MYOF: variants seen among roughly 807,000 people sequenced by gnomAD.
MYOF encodes the protein fer-1-like 3, myoferlin.
A neutral mutation model predicts 284.2 loss-of-function variants in MYOF; 244 were observed. The observed-to-expected ratio is 0.86, with a 90% CI of 0.77 to 0.95. The LOEUF is 0.95. MYOF is among the 40% of genes least tolerant of loss of function. The pLI is 0.00. For missense variants in MYOF, 2,496 were observed against 2,560.6 expected (o/e 0.97, Z 0.54); for synonymous variants, 904 against 919.7 (o/e 0.98, Z 0.31).
intron 21 of MYOF, among the ~76,000 whole-genome samples, 179 bp downstream of exon 21, chr10:93,379,684 T>C (rs1564665559): frequency 6.6e-6 from 1 of 152,152 alleles, no homozygotes; most frequent in Non-Finnish European, 1.5e-5. Flanking sequence ...GGGTCTCCAA[T>C]ACCACTGAAC....
Position 93,340,146 on chromosome 10 carries a change from T to C in MYOF, c.4338+7A>G, listed in dbSNP as rs971870262. 6.2e-7 allele frequency: 1 copy of C among 1,613,808 alleles called. No homozygotes were observed. The highest frequency in any genetic ancestry group is 8.5e-7 in the Non-Finnish European group (1 of 1,179,834). ...CTTAAATGTAGCAAAATGTATACCA[T>C]AGTTACCTTTTCTGTCAGCTGCTCG... is the stretch of plus-strand genomic sequence containing the variant. On this transcript the variant is annotated splice_region_variant and intron_variant, in intron 39 of 53. Transcript: ENST00000359263.
At chr10:93,375,776 A>G (rs1845809756) in intron 22 of MYOF, among the ~76,000 whole-genome samples, 1 of 152,192 alleles carries the variant, frequency 6.6e-6, no homozygotes. Context: ...CTCCAGAAAG[A>G]TTTATGAACC....
At chr10:93,376,275 T>C (rs787650) in intron 22 of MYOF, among the ~76,000 whole-genome samples, 68,607 of 151,992 alleles carry the variant, frequency 0.45, 16,198 homozygotes, top group Middle Eastern at 0.54. Context: ...GAGTGAGACT[T>C]TGAGGCAAAA....
At chr10:93,334,405 T>C (rs2133820182) in intron 41 of MYOF, among the ~76,000 whole-genome samples, 1 of 152,252 alleles carries the variant, frequency 6.6e-6, no homozygotes, top group Middle Eastern at 3.4e-3. Context: ...GCTTGGTATG[T>C]CCTCTGGGTG....
Position 93,392,973 on chromosome 10 carries a change from G to T in MYOF, c.1418-18C>A. 1 of 1,603,602 alleles carries T rather than the reference G, an allele frequency of 6.2e-7. No homozygotes were observed. Among genetic ancestry groups the T allele is most frequent in the South Asian group, 1.1e-5 (1 of 90,710 alleles). On this transcript the variant is annotated intron_variant, in intron 16 of 53. Coordinates refer to ENST00000359263, the MANE Select transcript of MYOF (RefSeq NM_013451.4). ...TGAGAAATCTATATAGTAAAAATAT[G>T]ACTGGTTAAACAAGAAGAACACGGG...
chr10:93,347,068 G>T (rs978780354), intron 37 of MYOF, among the ~76,000 whole-genome samples: 1 of 152,104 alleles, frequency 6.6e-6, no homozygotes, highest in Non-Finnish European at 1.5e-5. Context: ...GGAATCCCTC[G>T]AGCATGCCAC....
At chr10:93,356,879 CGAT>C (rs148215421) in intron 29 of MYOF, 31 bp from the exon 30 acceptor site, 35 of 1,583,626 alleles carry the variant, frequency 2.2e-5, no homozygotes, top group Admixed American at 3.6e-5. Flanking sequence ...TTAATGATGA[CGAT>C]GATGATGATG....
chr10:93,379,317 C>T lies in MYOF; in HGVS notation c.2001+546G>A, dbSNP rs181575276. ...AACCATTCTCTCTACACAAAAATTACGGCAGAAACTATGAGTTCCTGTTCC... is the reference window on the plus strand; with the variant it reads ...AACCATTCTCTCTACACAAAAATTATGGCAGAAACTATGAGTTCCTGTTCC... On this transcript the variant is annotated intron_variant, in intron 21 of 53. Transcript: ENST00000359263. 2.6e-3 allele frequency among the ~76,000 whole-genome samples: 389 copies of T among 152,258 alleles called. 3 individuals carry two copies. Among genetic ancestry groups the T allele is most frequent in the African/African-American group, 8.8e-3 (367 of 41,560 alleles).
At chr10:93,380,687 C>T (rs1465943088) in intron 20 of MYOF, among the ~76,000 whole-genome samples, 1 of 152,174 alleles carries the variant, frequency 6.6e-6, no homozygotes, top group Non-Finnish European at 1.5e-5. Flanking sequence ...GGGACTGTTT[C>T]TCACCCATCT....
At chr10:93,326,656 G>A (rs531559050) in intron 45 of MYOF, among the ~76,000 whole-genome samples, 131 of 152,256 alleles carry the variant, frequency 8.6e-4, no homozygotes, top group African/African-American at 2.7e-3. Context: ...AGACAGTCTC[G>A]CTCTGTCATC....
chr10:93,307,195 C>A (rs976300867), intron 53 of MYOF, among the ~76,000 whole-genome samples, 194 bp from the exon 54 acceptor site: 1 of 150,830 alleles, frequency 6.6e-6, no homozygotes, highest in Non-Finnish European at 1.5e-5. Flanking sequence ...AGCACCCCCC[C>A]GCCAAGTTGT....
intron 32 of MYOF, among the ~76,000 whole-genome samples, chr10:93,352,241 C>T (rs1844559700): frequency 6.6e-6 from 1 of 152,154 alleles, no homozygotes; most frequent in Admixed American, 6.5e-5. Context: ...ACGTTGATCC[C>T]CTCCTCCATG....
At position 93,351,556 on chromosome 10, in the gene MYOF, AAAAT is replaced by A; in HGVS notation, c.3675_3678del (p.Glu1225AspfsTer2). The stretch of plus-strand genomic sequence containing the variant: ...ACAGGAGAGAAAATGCTTCGTCCTA[AAAAT>A]TCATCTTTGCCCTAGAGAAACAAAG... On this transcript the variant is annotated frameshift_variant, in exon 34 of 54. Coordinates refer to ENST00000359263, the MANE Select transcript of MYOF (RefSeq NM_013451.4). LOFTEE classifies it high-confidence loss of function. 1 of 1,614,178 alleles carries A rather than the reference AAAAT, an allele frequency of 6.2e-7. No individual in the cohort carries two copies. The highest frequency in any genetic ancestry group is 8.5e-7 in the Non-Finnish European group (1 of 1,180,038).
In MYOF at chr10:93,409,658, G is replaced by A. The variant is rs540906575; in HGVS notation, c.515C>T (p.Thr172Met). Reference sequence around the variant, plus strand: ...CCGAGCAAGCTGAGCTTCCGACACCGTCCCAACTGGCCCCTTGGGCCCAGG... The same window carrying A: ...CCGAGCAAGCTGAGCTTCCGACACCATCCCAACTGGCCCCTTGGGCCCAGG... ...RGPGPKGPVG[T>M]VSEAQLARRL... is the part of the protein sequence containing the mutation. The change falls in exon 6 of 54, where the codon ACG becomes ATG. Residue 172 changes from threonine to methionine, a missense_variant. This residue lies in a region of MYOF where 2,436 missense variants were observed against 2,480.7 expected (regional missense o/e 0.98). Transcript: ENST00000359263. 49 of 1,614,198 alleles carry A rather than the reference G, an allele frequency of 3.0e-5. No homozygotes were observed. In the Admixed American group the frequency reaches 3.5e-4, roughly 12 times the overall value.
At chr10:93,478,840 A>AGAAAAAGAAAGAAAGAAAGAAAGAAAG (rs1554875967) in intron 1 of MYOF, among the ~76,000 whole-genome samples, 1 of 78,052 alleles carries the variant, frequency 1.3e-5, no homozygotes, top group Non-Finnish European at 2.5e-5. Flanking sequence ...AAAAAAAAAA[A>AGAAAAAGAAAGAAAGAAAGAAAGAAAG]AAAGAAAGAA....
intron 7 of MYOF, 131 bp downstream of exon 7, chr10:93,408,656 A>T: frequency 8.0e-7 from 1 of 1,250,282 alleles, no homozygotes; most frequent in South Asian, 1.5e-5. Flanking sequence ...ATGCGTTCAC[A>T]TGGTCACACC....
At chr10:93,443,747 G>T (rs2056346973) in intron 3 of MYOF, among the ~76,000 whole-genome samples, 2 of 152,150 alleles carry the variant, frequency 1.3e-5, no homozygotes, top group Admixed American at 1.3e-4. Flanking sequence ...GAAAACTACT[G>T]TTGCATGTAT....
At chr10:93,441,561 CTTTT>C (rs148461507) in intron 3 of MYOF, among the ~76,000 whole-genome samples, 2 of 125,058 alleles carry the variant, frequency 1.6e-5, no homozygotes, top group South Asian at 2.7e-4. Context: ...ATTTTTGTAT[CTTTT>C]TTTTTTTTTT....
chr10:93,356,791 T>C lies in MYOF; in HGVS notation c.3178A>G (p.Lys1060Glu), dbSNP rs1844825700. ...GWEYASLIGW[K>E]FHWKQRSSDT... ...GAACTACGTTGTTTCCAGTGAAATTTCCAGCCAATTAGAGAAGCATATTCC... is the reference window on the plus strand; with the variant it reads ...GAACTACGTTGTTTCCAGTGAAATTCCCAGCCAATTAGAGAAGCATATTCC... Residue 1060 changes from lysine to glutamate, a missense_variant, in exon 30 of 54, where the codon AAA becomes GAA. Physicochemically the swap from Lys to Glu is moderately conservative, Grantham distance 56. Around this residue, in one of 3 missense-constraint regions of MYOF, gnomAD observed 2,436 missense variants for 2,480.7 expected, o/e 0.98. Coordinates refer to ENST00000359263, the MANE Select transcript of MYOF (RefSeq NM_013451.4). 3 of 1,614,072 alleles carry C rather than the reference T, an allele frequency of 1.9e-6. No individual in the cohort carries two copies. In the African/African-American group the frequency reaches 4.0e-5, roughly 22 times the overall value.
Sources: allele counts gnomAD v4.1 joint callset (sites outside exome capture counted in the v4.1 genomes callset), GRCh38; gene constraint gnomAD v4.1.1; regional missense constraint gnomAD v4.1.1; transcripts MANE v1.5; gene names NCBI Gene and HGNC (gene_info 2026-07-23, HGNC 2026-07-21).